ZNF99: variants seen among roughly 807,000 people sequenced by gnomAD.
ZNF99 encodes the protein zinc finger protein 99, also known as zinc finger protein ENSP00000375192.
ZNF99 carries 8 observed loss-of-function variants against 12.8 expected under a neutral mutation model. That is an observed-to-expected ratio of 0.62 (90% CI 0.37 to 1.13). The LOEUF (loss-of-function observed/expected upper bound fraction) is 1.13. Ranked by LOEUF, ZNF99 falls within the 50% of genes most tolerant of loss-of-function variation. ZNF99 has a pLI of 0.02. For synonymous variants in ZNF99, 318 were observed against 319.0 expected, an observed-to-expected ratio of 1.00 and a Z score of 0.03; for missense variants, 1,007 against 1,006.2, an observed-to-expected ratio of 1.00 and a Z score of -0.01.
chr19:22,756,413 A>C lies in ZNF99; in HGVS notation c.*901T>G. On this transcript the variant is annotated 3_prime_UTR_variant, in exon 4 of 4. Transcript: ENST00000596209. ...AGAATGAATTATCTTATGTTTAGTA[A>C]GGTTTGAGGACTAAATGCTTTACCA... 6.3e-7 allele frequency: 1 copy of C among 1,589,056 alleles called. No individual in the cohort carries two copies. The highest frequency in any genetic ancestry group is 8.6e-7 in the Non-Finnish European group (1 of 1,169,494).
chr19:22,783,221 G>A (rs1470662385), intron 1 of ZNF99, among the ~76,000 whole-genome samples: 10 of 151,974 alleles, frequency 6.6e-5, no homozygotes, highest in African/African-American at 2.2e-4. Context: ...CGGAAGTTGC[G>A]TTGAGCCGAG....
At chr19:22,777,602 G>C (rs1973343575) in intron 1 of ZNF99, among the ~76,000 whole-genome samples, 1 of 152,220 alleles carries the variant, frequency 6.6e-6, no homozygotes, top group African/African-American at 2.4e-5. Context: ...TTGTGCTACA[G>C]ATAGTGGCCC....
chr19:22,780,133 T>G (rs1423434465), intron 1 of ZNF99, among the ~76,000 whole-genome samples: 1 of 152,008 alleles, frequency 6.6e-6, no homozygotes, highest in African/African-American at 2.4e-5. Flanking sequence ...CAGAAAAAAC[T>G]AACTGATCCT....
intron 3 of ZNF99, among the ~76,000 whole-genome samples, chr19:22,766,197 G>A (rs1168339860): frequency 2.1e-5 from 3 of 141,392 alleles, no homozygotes; most frequent in African/African-American, 5.3e-5. Flanking sequence ...TAGAAACTAC[G>A]CAAAACAAAA....
chr19:22,778,934 G>A (rs1973357352), intron 1 of ZNF99, among the ~76,000 whole-genome samples: 1 of 151,932 alleles, frequency 6.6e-6, no homozygotes, highest in African/African-American at 2.4e-5. Context: ...TCCAACCCAG[G>A]AAGTGGAGGT....
rs1364508921 is a variant in ZNF99, at chr19:22,757,081, G to A, written c.*233C>T. The A allele has an allele frequency of 2.9e-5, 46 of 1,612,436 alleles. No homozygotes were observed. The highest frequency in any genetic ancestry group is 3.7e-5 in the Non-Finnish European group (44 of 1,179,098). ...TATGAATTAGCTTATGTTTCTTAAG[G>A]GTTGAGGAATTGTTAAAAGCTTTTC... On this transcript the variant is annotated 3_prime_UTR_variant, in exon 4 of 4. Transcript: ENST00000596209.
In ZNF99 at chr19:22,756,291, A is replaced by C; in HGVS notation, c.*1023T>G. 6.4e-7 allele frequency: 1 copy of C among 1,570,034 alleles called. No individual in the cohort carries two copies. Among genetic ancestry groups the C allele is most frequent in the East Asian group, 2.3e-5 (1 of 43,096 alleles). On this transcript the variant is annotated 3_prime_UTR_variant, in exon 4 of 4. Coordinates refer to ENST00000596209, the MANE Select transcript of ZNF99 (RefSeq NM_001080409.3). ...GCTTTGCCACATTCTTCACATTTGT[A>C]GGTTTTCCCTCCAGTATGAATTGTT...
intron 1 of ZNF99, among the ~76,000 whole-genome samples, chr19:22,780,523 G>A (rs770334516): frequency 2.8e-4 from 42 of 151,688 alleles, no homozygotes; most frequent in Middle Eastern, 3.4e-3. Flanking sequence ...AGAAACCCCC[G>A]TCTCTACTAA....
chr19:22,763,904 CTTT>C (rs965211065), intron 3 of ZNF99, among the ~76,000 whole-genome samples: 5 of 101,668 alleles, frequency 4.9e-5, no homozygotes, highest in African/African-American at 1.9e-4. Context: ...TTTTTCTTTC[CTTT>C]TTTTTTTTTT....
At position 22,758,811 on chromosome 19, in the gene ZNF99, C is replaced by T; in HGVS notation, c.1098G>A (p.Glu366=). 6.2e-7 allele frequency: 1 copy of T among 1,603,440 alleles called. No individual in the cohort carries two copies. The highest frequency in any genetic ancestry group is 8.5e-7 in the Non-Finnish European group (1 of 1,173,248). The stretch of plus-strand genomic sequence containing the variant: ...CGCATTCTTCATATTTGTAGGGTTT[C>T]TCTTCAGTATGAATTATCTCATGTT... ...LRKHEIIHTE[E]KPYKYEECGK... Residue 366 remains glutamate, a synonymous_variant, in exon 4 of 4, where the codon GAG becomes GAA. Coordinates refer to ENST00000596209, the MANE Select transcript of ZNF99 (RefSeq NM_001080409.3).
intron 1 of ZNF99, among the ~76,000 whole-genome samples, chr19:22,778,994 C>G (rs60857462): frequency 0.039 from 5,514 of 141,886 alleles, 336 homozygotes; most frequent in African/African-American, 0.13. Context: ...GCAACAAGAG[C>G]AAAACTCTAT....
At chr19:22,760,724 A>T (rs954420050) in intron 3 of ZNF99, among the ~76,000 whole-genome samples, 1 of 152,088 alleles carries the variant, frequency 6.6e-6, no homozygotes, top group African/African-American at 2.4e-5. Flanking sequence ...AGCCTGGGCG[A>T]CAGAGAGAGA....
rs774761369 is a variant in ZNF99 at position 22,756,115 on chromosome 19, A to G, written c.*1199T>C. 8 of 1,474,578 alleles carry G rather than the reference A, an allele frequency of 5.4e-6. No homozygotes were observed. Among genetic ancestry groups the G allele is most frequent in the African/African-American group, 4.2e-5 (3 of 72,052 alleles). 91.3% of individuals were successfully genotyped at this position (1,474,578 alleles called of 1,614,324 possible). A position where few individuals can be genotyped will look rare whatever the true frequency, so the allele number is the denominator to read the frequency against. The stretch of plus-strand genomic sequence containing the variant: ...GGTTAAAAGCTTTGCCACATTCTTC[A>G]CATATGGAGGGTCTGTCTCTAGTAT... On this transcript the variant is annotated 3_prime_UTR_variant, in exon 4 of 4. Coordinates refer to ENST00000596209, the MANE Select transcript of ZNF99 (RefSeq NM_001080409.3).
chr19:22,756,290 T>C lies in ZNF99; in HGVS notation c.*1024A>G, dbSNP rs745499628. The C allele has an allele frequency of 1.2e-5, 19 of 1,573,470 alleles. No homozygotes were observed. In the South Asian group the frequency reaches 1.6e-4, roughly 13 times the overall value. ...AGCTTTGCCACATTCTTCACATTTG[T>C]AGGTTTTCCCTCCAGTATGAATTGT... On this transcript the variant is annotated 3_prime_UTR_variant, in exon 4 of 4. Transcript: ENST00000596209.
chr19:22,770,487 G>C (rs1202066891), intron 1 of ZNF99: 4 of 152,442 alleles, frequency 2.6e-5, no homozygotes, highest in Admixed American at 2.0e-4. Context: ...CTCCCGGGTA[G>C]CTGGGACTAC....
chr19:22,764,635 G>C (rs1011688924), intron 3 of ZNF99, among the ~76,000 whole-genome samples: 8 of 142,650 alleles, frequency 5.6e-5, no homozygotes, highest in African/African-American at 2.3e-4. Flanking sequence ...AAACAAATCA[G>C]CAAGAAAAAA....
chr19:22,772,637 A>G (rs1973285358), intron 1 of ZNF99, among the ~76,000 whole-genome samples: 2 of 151,558 alleles, frequency 1.3e-5, no homozygotes, highest in South Asian at 4.2e-4. Context: ...AGATGGTGCC[A>G]TTGCACTCCA....
chr19:22,773,459 A>G (rs1973294013), intron 1 of ZNF99, among the ~76,000 whole-genome samples: 1 of 152,318 alleles, frequency 6.6e-6, no homozygotes, highest in Non-Finnish European at 1.5e-5. Flanking sequence ...GAAAATTTAT[A>G]GCACCATGTC....
chr19:22,769,500 G>T (rs1318948366), intron 1 of ZNF99, among the ~76,000 whole-genome samples, 176 bp from the exon 2 acceptor site: 1 of 152,000 alleles, frequency 6.6e-6, no homozygotes, highest in East Asian at 1.9e-4. Context: ...GGGCGCAGTG[G>T]CTCATGCCTG....
Sources: gnomAD v4.1 joint callset for allele counts (sites outside exome capture counted in the v4.1 genomes callset) on GRCh38, gnomAD v4.1.1 for gene constraint, MANE v1.5 for transcripts, NCBI Gene and HGNC (gene_info 2026-07-23, HGNC 2026-07-21) for gene names.